The following XXYLT1 variants were observed in gnomAD, a reference collection of about 807,000 sequenced individuals.
XXYLT1 encodes the protein xyloside xylosyltransferase 1, also known as UDP-xylose:alpha-xyloside alpha-1,3-xylosyltransferase.
A neutral mutation model predicts 28.9 loss-of-function variants in XXYLT1; 20 were observed. That is an observed-to-expected ratio of 0.69 (90% CI 0.49 to 1.00). The LOEUF is 1.00. XXYLT1 is among the 50% of genes least tolerant of loss of function. XXYLT1 has a pLI of 0.00. For synonymous variants in XXYLT1, 257 were observed against 253.8 expected (o/e 1.01, Z -0.12); for missense variants, 542 against 560.1 (o/e 0.97, Z 0.33).
intron 3 of XXYLT1, among the ~76,000 whole-genome samples, chr3:195,123,272 C>A (rs1002504913): frequency 7.2e-5 from 11 of 152,018 alleles, no homozygotes; most frequent in African/African-American, 2.7e-4. Context: ...GTGGACAAAT[C>A]CCCCCAGCAC....
chr3:195,167,874 C>CA (rs1721206718), intron 2 of XXYLT1, among the ~76,000 whole-genome samples: 1 of 152,182 alleles, frequency 6.6e-6, no homozygotes, highest in Non-Finnish European at 1.5e-5. Context: ...GCTTTGGGCC[C>CA]ATCATCCAAG....
intron 2 of XXYLT1, chr3:195,215,032 A>C (rs1484601437): frequency 4.6e-5 from 7 of 150,842 alleles, no homozygotes; most frequent in Admixed American, 4.0e-4. Flanking sequence ...TTCTTAAAGA[A>C]AAGAATTTTC....
rs372983273 is a variant in XXYLT1 at position 195,270,608 on chromosome 3, C to T, written c.451G>A (p.Ala151Thr). 5 of 1,471,990 alleles carry T rather than the reference C, an allele frequency of 3.4e-6. No individual in the cohort carries two copies. The African/African-American group carries it at 5.8e-5, about 17-fold the overall frequency. 91.2% of individuals were successfully genotyped at this position (1,471,990 alleles called of 1,614,324 possible). The change falls in exon 1 of 4, where the codon GCC becomes ACC. Residue 151 changes from alanine (A) to threonine (T), a missense_variant. Physicochemically the swap from Ala to Thr is moderately conservative, Grantham distance 58. Transcript: ENST00000310380. ...FVSEEASREV[A>T]KGLLRELLPP... The stretch of plus-strand genomic sequence containing the variant: ...AGGAGCTCCCGCAGCAGGCCCTTGG[C>T]CACCTCGCGGCTGGCCTCCTCGCTC...
Position 195,069,643 on chromosome 3 carries a change from C to G in XXYLT1, c.*72G>C, listed in dbSNP as rs1369785907. The G allele has an allele frequency of 6.5e-7, 1 of 1,533,288 alleles. No homozygotes were observed. 95.0% of individuals were successfully genotyped at this position (1,533,288 alleles called of 1,614,324 possible). On this transcript the variant is annotated 3_prime_UTR_variant, in exon 4 of 4. Transcript: ENST00000310380. ...TCTCTCTAGCGGGTCAGACACTGCCCTTGGGTCTGTCCCAAGGAACCCTGT... is the reference window on the plus strand; with the variant it reads ...TCTCTCTAGCGGGTCAGACACTGCCGTTGGGTCTGTCCCAAGGAACCCTGT...
chr3:195,188,889 C>G (rs1328494021), intron 2 of XXYLT1, among the ~76,000 whole-genome samples: 2 of 152,188 alleles, frequency 1.3e-5, no homozygotes, highest in Non-Finnish European at 2.9e-5. Flanking sequence ...GGAGGTGCAG[C>G]CTCATACAGT....
chr3:195,076,897 T>C lies in XXYLT1; in HGVS notation c.786-6786A>G, dbSNP rs1246980085. Among the ~76,000 whole-genome samples the C allele has an allele frequency of 6.6e-6, 1 of 152,018 alleles. No homozygotes were observed. Among genetic ancestry groups the C allele is most frequent in the African/African-American group, 2.4e-5 (1 of 41,382 alleles). ...CCCAGCAGAACCTCATCTCAACTCT[T>C]TATATCTGCAACAACCCCATTCCCA... On this transcript the variant is annotated intron_variant, in intron 3 of 3. Transcript: ENST00000310380. This position sits in a 1 kb window ranked among gnomAD's most constrained non-coding sequence, Gnocchi z 5.3.
At chr3:195,233,843 C>T (rs375962965) in intron 1 of XXYLT1, among the ~76,000 whole-genome samples, 21 of 152,162 alleles carry the variant, frequency 1.4e-4, no homozygotes, top group African/African-American at 4.3e-4. Context: ...GTGAACTTTT[C>T]ACCTGCAGAT....
At chr3:195,088,107 G>A (rs1209753614) in intron 3 of XXYLT1, among the ~76,000 whole-genome samples, 6 of 151,874 alleles carry the variant, frequency 4.0e-5, no homozygotes, top group Non-Finnish European at 5.9e-5. Flanking sequence ...GAGGCTGGGG[G>A]AGGGGCGCCC....
intron 3 of XXYLT1, among the ~76,000 whole-genome samples, chr3:195,081,848 C>G (rs929877798): frequency 6.6e-6 from 1 of 152,226 alleles, no homozygotes; most frequent in Non-Finnish European, 1.5e-5. Flanking sequence ...CTACCTGGCT[C>G]TGCACCCACC....
intron 3 of XXYLT1, among the ~76,000 whole-genome samples, chr3:195,109,209 A>C (rs1043970482): frequency 3.3e-5 from 5 of 152,160 alleles, no homozygotes; most frequent in Middle Eastern, 3.2e-3. Context: ...TTTATGAAGG[A>C]GGGCACAGGC....
chr3:195,080,681 T>A (rs1232191542), intron 3 of XXYLT1, among the ~76,000 whole-genome samples: 2 of 151,814 alleles, frequency 1.3e-5, no homozygotes, highest in African/African-American at 4.8e-5. Context: ...CATGGTGGGG[T>A]GTTTTCCGGG....
chr3:195,256,518 A>G lies in XXYLT1; in HGVS notation c.504+14037T>C. Reference sequence around the variant, plus strand: ...CGGAAGCCTCACCTAGGGTCATTCCAGGGATTATCCCAGAAAGAGGGGAAG... The same window carrying G: ...CGGAAGCCTCACCTAGGGTCATTCCGGGGATTATCCCAGAAAGAGGGGAAG... On this transcript the variant is annotated intron_variant, in intron 1 of 3. Coordinates refer to ENST00000310380, the MANE Select transcript of XXYLT1 (RefSeq NM_152531.5). The surrounding 1 kb of genome is among the most constrained non-coding windows in gnomAD (Gnocchi z 4.2). The G allele has an allele frequency of 1.0e-6, 1 of 985,402 alleles. No individual in the cohort carries two copies. The highest frequency in any genetic ancestry group is 1.2e-6 in the Non-Finnish European group (1 of 829,906). 61.0% of individuals were successfully genotyped at this position (985,402 alleles called of 1,614,324 possible). A position where few individuals can be genotyped will look rare whatever the true frequency, so the allele number is the denominator to read the frequency against.
intron 2 of XXYLT1, among the ~76,000 whole-genome samples, chr3:195,159,800 C>T (rs1377455197): frequency 6.6e-6 from 1 of 152,124 alleles, no homozygotes; most frequent in African/African-American, 2.4e-5. Flanking sequence ...GCCACATGCA[C>T]GGCCCCAGTA....
intron 3 of XXYLT1, among the ~76,000 whole-genome samples, chr3:195,097,907 G>A (rs1251334572): frequency 1.3e-5 from 2 of 152,124 alleles, no homozygotes; most frequent in Admixed American, 6.5e-5. Flanking sequence ...TGAGACTGGT[G>A]GAGGGGAACC....
chr3:195,214,897 A>G (rs1723498892), intron 2 of XXYLT1: 2 of 152,228 alleles, frequency 1.3e-5, no homozygotes, highest in African/African-American at 4.8e-5. Context: ...TATTTTTGGA[A>G]AAAATGTTAA....
chr3:195,089,048 G>C (rs2108658719), intron 3 of XXYLT1, among the ~76,000 whole-genome samples: 1 of 152,136 alleles, frequency 6.6e-6, no homozygotes, highest in Non-Finnish European at 1.5e-5. Flanking sequence ...ATCTACGTCT[G>C]ATTGGTGTAC....
At chr3:195,153,931 C>T (rs910418029) in intron 3 of XXYLT1, 5 of 152,262 alleles carry the variant, frequency 3.3e-5, no homozygotes, top group African/African-American at 1.2e-4. Flanking sequence ...AATGAGGGTC[C>T]GAAGGGCTGT....
intron 2 of XXYLT1, among the ~76,000 whole-genome samples, chr3:195,160,026 T>C (rs1429123749): frequency 6.6e-6 from 1 of 151,546 alleles, no homozygotes. Context: ...CATCTGACCA[T>C]GGGTGGAATT....
Position 195,175,988 on chromosome 3 carries a change from C to T in XXYLT1, c.653-19407G>A. On this transcript the variant is annotated intron_variant, in intron 2 of 3. Coordinates refer to ENST00000310380, the MANE Select transcript of XXYLT1 (RefSeq NM_152531.5). Reference sequence around the variant, plus strand: ...CTAGCCTTACTAACACAGAGGTCATCAGTGTATACGTAGCAGCTTAAGTCA... The same window carrying T: ...CTAGCCTTACTAACACAGAGGTCATTAGTGTATACGTAGCAGCTTAAGTCA... The T allele has an allele frequency of 6.2e-6, 7 of 1,136,234 alleles. No individual in the cohort carries two copies. The South Asian group carries it at 1.3e-4, about 21-fold the overall frequency. 70.4% of individuals were successfully genotyped at this position (1,136,234 alleles called of 1,614,324 possible). A position where few individuals can be genotyped will look rare whatever the true frequency, so the allele number is the denominator to read the frequency against.
Sources: allele counts gnomAD v4.1 joint callset (sites outside exome capture counted in the v4.1 genomes callset), GRCh38; gene constraint gnomAD v4.1.1; non-coding constraint Gnocchi (gnomAD v3.1); transcripts MANE v1.5; gene names NCBI Gene and HGNC (gene_info 2026-07-23, HGNC 2026-07-21).